The following STOX1 variants were observed in gnomAD, a reference collection of about 807,000 sequenced individuals.
STOX1 encodes the protein storkhead box 1, also known as storkhead-box protein 1.
Under a neutral mutation model 74.8 loss-of-function variants are expected in STOX1, and 57 were observed. That is an observed-to-expected ratio of 0.76 (90% CI 0.62 to 0.95). STOX1 has a LOEUF of 0.95. STOX1 is among the 40% of genes least tolerant of loss of function. The pLI, the probability that STOX1 is intolerant of heterozygous loss-of-function variation, is 0.00. For missense variants in STOX1, 1,010 were observed against 1,117.0 expected (o/e 0.90, Z 1.37); for synonymous variants, 375 against 401.3 (o/e 0.93, Z 0.78).
rs761273396 is a variant in STOX1 at position 68,892,741 on chromosome 10, C to T, written c.*5C>T. The T allele has an allele frequency of 1.6e-5, 26 of 1,613,176 alleles. No individual in the cohort carries two copies. Among genetic ancestry groups the T allele is most frequent in the Non-Finnish European group, 2.2e-5 (26 of 1,179,606 alleles). Reference sequence around the variant, plus strand: ...ACTCCAGTCATAAACGTTTAATTTTCTTTTGGAAACCTACTTTTTTCTTTA... The same window carrying T: ...ACTCCAGTCATAAACGTTTAATTTTTTTTTGGAAACCTACTTTTTTCTTTA... On this transcript the variant is annotated 3_prime_UTR_variant, in exon 4 of 4. Coordinates refer to ENST00000298596, the MANE Select transcript of STOX1 (RefSeq NM_152709.5).
chr10:68,850,828 T>C (rs1459602262), intron 1 of STOX1, among the ~76,000 whole-genome samples: 6 of 150,920 alleles, frequency 4.0e-5, no homozygotes, highest in African/African-American at 1.2e-4. Context: ...AAAAATTAGC[T>C]GGGCATGGTG....
At chr10:68,875,176 A>G (rs1412536259) in intron 1 of STOX1, among the ~76,000 whole-genome samples, 1 of 152,218 alleles carries the variant, frequency 6.6e-6, no homozygotes, top group East Asian at 1.9e-4. Flanking sequence ...GTCAAGGTCC[A>G]CATCCCTCGG....
chr10:68,863,116 G>A (rs1471589030), intron 1 of STOX1, among the ~76,000 whole-genome samples: 1 of 152,080 alleles, frequency 6.6e-6, no homozygotes, highest in Non-Finnish European at 1.5e-5. Context: ...TTCTTCATGT[G>A]GGTGAGATGG....
intron 1 of STOX1, among the ~76,000 whole-genome samples, chr10:68,856,539 C>T (rs1840130767): frequency 6.6e-6 from 1 of 152,094 alleles, no homozygotes; most frequent in African/African-American, 2.4e-5. Context: ...TCAAATCTCT[C>T]CCCTACACTG....
intron 1 of STOX1, among the ~76,000 whole-genome samples, chr10:68,853,777 C>T (rs931030987): frequency 6.6e-6 from 1 of 151,858 alleles, no homozygotes; most frequent in African/African-American, 2.4e-5. Flanking sequence ...CCTCCGCCTC[C>T]TGGGTTCAAG....
intron 1 of STOX1, among the ~76,000 whole-genome samples, chr10:68,865,149 T>A (rs961991558): frequency 2.6e-5 from 4 of 152,118 alleles, no homozygotes; most frequent in Non-Finnish European, 5.9e-5. Context: ...ACTGTGAAAA[T>A]CTTTTACGAG....
intron 1 of STOX1, among the ~76,000 whole-genome samples, chr10:68,867,491 G>A (rs1280998369): frequency 1.3e-5 from 2 of 152,144 alleles, no homozygotes; most frequent in African/African-American, 4.8e-5. Context: ...AATAGCCACT[G>A]GGGTGACTAC....
chr10:68,843,252 G>C (rs1281355050), intron 1 of STOX1, among the ~76,000 whole-genome samples: 1 of 151,640 alleles, frequency 6.6e-6, no homozygotes, highest in East Asian at 2.0e-4. Context: ...GACTGGTCCC[G>C]AACTCCTGGT....
chr10:68,880,555 C>T (rs937811830), intron 1 of STOX1, among the ~76,000 whole-genome samples: 41 of 152,108 alleles, frequency 2.7e-4, no homozygotes, highest in Non-Finnish European at 4.4e-5. Flanking sequence ...TTTGGATTTC[C>T]TTCTAAGCAT....
At chr10:68,837,307 G>A (rs772938000) in intron 1 of STOX1, among the ~76,000 whole-genome samples, 18 of 152,200 alleles carry the variant, frequency 1.2e-4, no homozygotes, top group South Asian at 4.1e-4. Flanking sequence ...CACATTTTAA[G>A]TTGAGAGTGG....
chr10:68,845,969 G>A (rs1459183566), intron 1 of STOX1, among the ~76,000 whole-genome samples: 1 of 151,650 alleles, frequency 6.6e-6, no homozygotes, highest in African/African-American at 2.4e-5. Flanking sequence ...GAACTCCTGG[G>A]CTCAAGTGAT....
intron 2 of STOX1, among the ~76,000 whole-genome samples, chr10:68,882,449 T>C (rs1279544945): frequency 6.6e-6 from 1 of 152,126 alleles, no homozygotes; most frequent in Non-Finnish European, 1.5e-5. Flanking sequence ...ACTGCTATTA[T>C]CATTTCTTAT....
intron 1 of STOX1, among the ~76,000 whole-genome samples, chr10:68,835,200 C>A (rs965039171): frequency 3.3e-5 from 5 of 149,926 alleles, no homozygotes; most frequent in African/African-American, 7.5e-5. Flanking sequence ...TGCCACCATG[C>A]GCGGCTAATT....
intron 2 of STOX1, 43 bp from the exon 3 acceptor site, chr10:68,884,217 T>G: frequency 6.3e-7 from 1 of 1,579,766 alleles, no homozygotes; most frequent in Non-Finnish European, 8.7e-7. Flanking sequence ...CATTAAAATT[T>G]TTCTTATTCA....
chr10:68,863,758 A>G (rs566906577), intron 1 of STOX1, among the ~76,000 whole-genome samples: 2 of 152,198 alleles, frequency 1.3e-5, no homozygotes, highest in South Asian at 2.1e-4. Flanking sequence ...AGCATTTTCA[A>G]CTGTGTAGGA....
At chr10:68,852,527 G>A (rs908462584) in intron 1 of STOX1, among the ~76,000 whole-genome samples, 3 of 151,684 alleles carry the variant, frequency 2.0e-5, no homozygotes, top group African/African-American at 7.3e-5. Context: ...CAAAGTGCTG[G>A]GATTACAGGC....
chr10:68,884,222 T>C (rs1489342958), intron 2 of STOX1, 38 bp from the exon 3 acceptor site: 3 of 1,599,242 alleles, frequency 1.9e-6, no homozygotes, highest in Non-Finnish European at 2.6e-6. Flanking sequence ...AAATTTTTCT[T>C]ATTCAAAATC....
At chr10:68,873,635 C>T (rs1324816357) in intron 1 of STOX1, among the ~76,000 whole-genome samples, 3 of 80,694 alleles carry the variant, frequency 3.7e-5, no homozygotes, top group Non-Finnish European at 5.2e-5. Context: ...TTTTCTTCTT[C>T]TTCTTCTTTT....
intron 1 of STOX1, among the ~76,000 whole-genome samples, chr10:68,848,663 T>TGTTTG (rs1355375491): frequency 2.0e-5 from 3 of 152,046 alleles, no homozygotes; most frequent in African/African-American, 7.2e-5. Context: ...GTGAGCAGTT[T>TGTTTG]GTTTGTTTTG....
Sources: allele counts gnomAD v4.1 joint callset (sites outside exome capture counted in the v4.1 genomes callset), GRCh38; gene constraint gnomAD v4.1.1; transcripts MANE v1.5; gene names NCBI Gene and HGNC (gene_info 2026-07-23, HGNC 2026-07-21).